Variants in CTNNA3 observed in about 807,000 individuals in gnomAD.
The protein encoded by CTNNA3 is catenin alpha 3.
A neutral mutation model predicts 95.7 loss-of-function variants in CTNNA3; 76 were observed. That is an observed-to-expected ratio of 0.79 (90% CI 0.66 to 0.96). The LOEUF (loss-of-function observed/expected upper bound fraction) is 0.96, where lower values mean the gene tolerates loss of function less well. CTNNA3 is among the 40% of genes least tolerant of loss of function. CTNNA3 has a pLI of 0.00. For synonymous variants in CTNNA3, 431 were observed against 374.4 expected (o/e 1.15, Z -1.74); for missense variants, 1,191 against 1,089.8 (o/e 1.09, Z -1.31).
At chr10:66,224,380 C>T (rs1030670966) in intron 13 of CTNNA3, among the ~76,000 whole-genome samples, 1 of 152,150 alleles carries the variant, frequency 6.6e-6, no homozygotes, top group African/African-American at 2.4e-5. Flanking sequence ...CACGCTTTTC[C>T]ACCACACCAG....
intron 7 of CTNNA3, among the ~76,000 whole-genome samples, chr10:66,781,262 C>T (rs1320479568): frequency 6.6e-6 from 1 of 151,988 alleles, no homozygotes; most frequent in East Asian, 1.9e-4. Context: ...TAAGTGTGTG[C>T]CATTTTATTC....
chr10:67,733,037 G>A (rs1841284783), intron 1 of CTNNA3, among the ~76,000 whole-genome samples: 2 of 152,086 alleles, frequency 1.3e-5, no homozygotes, highest in African/African-American at 2.4e-5. Context: ...GATGTGAATA[G>A]TAGCAGCTGC....
intron 7 of CTNNA3, among the ~76,000 whole-genome samples, chr10:66,930,739 C>G (rs930210807): frequency 6.6e-6 from 1 of 152,084 alleles, no homozygotes; most frequent in Non-Finnish European, 1.5e-5. Context: ...TGATATAACA[C>G]TAAATGAATC....
At chr10:66,666,331 C>G (rs949126028) in intron 9 of CTNNA3, among the ~76,000 whole-genome samples, 1 of 152,086 alleles carries the variant, frequency 6.6e-6, no homozygotes, top group African/African-American at 2.4e-5. Flanking sequence ...CAGGGTTTGA[C>G]TTTTTTCTAC....
At chr10:66,498,250 A>G (rs1377597343) in intron 11 of CTNNA3, among the ~76,000 whole-genome samples, 1 of 152,136 alleles carries the variant, frequency 6.6e-6, no homozygotes, top group East Asian at 1.9e-4. Context: ...TTTAATATTT[A>G]TAGAGGGGAA....
At chr10:66,097,433 T>C (rs2081442316) in intron 14 of CTNNA3, among the ~76,000 whole-genome samples, 1 of 152,248 alleles carries the variant, frequency 6.6e-6, no homozygotes, top group African/African-American at 2.4e-5. Context: ...TTTTCACATA[T>C]CTAATTGAAT....
chr10:66,829,203 C>T (rs1001038955), intron 7 of CTNNA3, among the ~76,000 whole-genome samples: 7 of 152,132 alleles, frequency 4.6e-5, no homozygotes, highest in African/African-American at 1.7e-4. Context: ...AATAGATACT[C>T]CAGTAAAAGT....
At position 67,520,281 on chromosome 10, in the gene CTNNA3, C is replaced by G. The variant is rs972193212; in HGVS notation, c.579+1561G>C. Among the ~76,000 whole-genome samples, 3 of 152,164 alleles carry G rather than the reference C, an allele frequency of 2.0e-5. No individual in the cohort carries two copies. The East Asian group carries it at 5.8e-4, about 29-fold the overall frequency. On this transcript the variant is annotated intron_variant, in intron 5 of 17. Transcript: ENST00000433211. ...ATGCACATATAATTTACCCATCTAT[C>G]CTCAATGCCATTCTCCCAGAGTTCT...
chr10:66,102,679 G>T (rs1430820022), intron 14 of CTNNA3, among the ~76,000 whole-genome samples: 1 of 151,976 alleles, frequency 6.6e-6, no homozygotes, highest in Non-Finnish European at 1.5e-5. Context: ...AACATATTTG[G>T]AGTTGTGTGG....
chr10:66,440,345 T>C (rs1429170921), intron 11 of CTNNA3, among the ~76,000 whole-genome samples: 2 of 152,180 alleles, frequency 1.3e-5, no homozygotes, highest in African/African-American at 4.8e-5. Flanking sequence ...TGCCTATTTT[T>C]CTAGTGAAAT....
intron 17 of CTNNA3, among the ~76,000 whole-genome samples, chr10:65,938,281 T>C (rs139564144): frequency 1.7e-3 from 260 of 152,324 alleles, no homozygotes; most frequent in Non-Finnish European, 3.2e-3. Context: ...ACGTGCTTCG[T>C]AAACCATCTG....
chr10:66,891,379 C>T (rs956930084), intron 7 of CTNNA3, among the ~76,000 whole-genome samples: 1 of 152,160 alleles, frequency 6.6e-6, no homozygotes, highest in African/African-American at 2.4e-5. Flanking sequence ...CATAAAGCAA[C>T]TCTCACTATG....
chr10:66,299,170 C>A (rs1416439917), intron 12 of CTNNA3, among the ~76,000 whole-genome samples: 2 of 152,228 alleles, frequency 1.3e-5, no homozygotes, highest in African/African-American at 4.8e-5. Context: ...TGATTGATGT[C>A]TCGTATCTCA....
intron 7 of CTNNA3, among the ~76,000 whole-genome samples, chr10:67,159,045 G>A (rs1861426060): frequency 1.3e-5 from 2 of 152,126 alleles, no homozygotes; most frequent in Admixed American, 1.3e-4. Context: ...GCCTGGGCCT[G>A]CCTGGCCTAA....
chr10:67,374,712 C>G (rs1843625158), intron 5 of CTNNA3, among the ~76,000 whole-genome samples: 1 of 151,974 alleles, frequency 6.6e-6, no homozygotes, highest in Non-Finnish European at 1.5e-5. Flanking sequence ...TGAACAGGGA[C>G]TTGAAGGAAG....
At chr10:66,756,241 TAC>T (rs891017391) in intron 9 of CTNNA3, among the ~76,000 whole-genome samples, 5 of 152,132 alleles carry the variant, frequency 3.3e-5, no homozygotes, top group African/African-American at 1.2e-4. Context: ...TCATTTGCAG[TAC>T]ACAGTCACTA....
At chr10:66,860,334 G>T (rs1015040506) in intron 7 of CTNNA3, among the ~76,000 whole-genome samples, 5 of 152,038 alleles carry the variant, frequency 3.3e-5, no homozygotes, top group Admixed American at 6.6e-5. Flanking sequence ...AAAATTACTT[G>T]CTTCTTTGTA....
chr10:66,096,962 T>C (rs1032163308), intron 14 of CTNNA3, among the ~76,000 whole-genome samples: 2 of 152,156 alleles, frequency 1.3e-5, no homozygotes, highest in Non-Finnish European at 2.9e-5. Context: ...TTTTACTAAA[T>C]GGTGAGGGAA....
At chr10:66,176,861 C>A (rs1427354056) in intron 13 of CTNNA3, among the ~76,000 whole-genome samples, 1 of 151,906 alleles carries the variant, frequency 6.6e-6, no homozygotes, top group African/African-American at 2.4e-5. Flanking sequence ...CCCAAACAGA[C>A]TAAGGCAGAG....
Sources: gnomAD v4.1 joint callset for allele counts (sites outside exome capture counted in the v4.1 genomes callset) on GRCh38, gnomAD v4.1.1 for gene constraint, MANE v1.5 for transcripts, NCBI Gene and HGNC (gene_info 2026-07-23, HGNC 2026-07-21) for gene names.